The following DMD variants were observed in gnomAD, a reference collection of about 807,000 sequenced individuals.
DMD encodes mutant dystrophin.
In DMD, 63 loss-of-function variants were observed where a neutral mutation model predicts 330.1. That is an observed-to-expected ratio of 0.19 (90% CI 0.16 to 0.24). The LOEUF (loss-of-function observed/expected upper bound fraction) is 0.24, where lower values mean the gene tolerates loss of function less well. Among genes scored for constraint, DMD ranks in the 10% least tolerant of loss-of-function variants. The pLI, the probability that DMD is intolerant of heterozygous loss-of-function variation, is 1.00. For missense variants in DMD, 3,344 were observed against 2,684.1 expected (o/e 1.25, Z -5.43); for synonymous variants, 1,223 against 959.8 (o/e 1.27, Z -5.07).
intron 28 of DMD, among the ~76,000 whole-genome samples, chrX:32,440,852 G>A (rs1056813745): frequency 4.5e-5 from 5 of 111,017 alleles, no homozygotes; most frequent in East Asian, 2.8e-4. Context: ...TTATCATCCC[G>A]ATTAGCCCTA....
chrX:32,537,668 C>T (rs1270050024), intron 17 of DMD, among the ~76,000 whole-genome samples: 1 of 111,614 alleles, frequency 9.0e-6, no homozygotes, highest in Admixed American at 9.5e-5. Flanking sequence ...AGGAAAGAAT[C>T]AGGAGTCCGT....
chrX:32,926,752 C>CAA (rs745877756), intron 2 of DMD, among the ~76,000 whole-genome samples: 11 of 41,549 alleles, frequency 2.6e-4, no homozygotes, highest in African/African-American at 8.0e-4. Flanking sequence ...ACTCCATCTC[C>CAA]AAAAAAAAAA....
At chrX:33,060,891 A>G (rs1303079843) in intron 1 of DMD, among the ~76,000 whole-genome samples, 2 of 111,808 alleles carry the variant, frequency 1.8e-5, no homozygotes, top group East Asian at 5.6e-4. Context: ...TCACTTGACA[A>G]AAACATTTCC....
intron 12 of DMD, among the ~76,000 whole-genome samples, chrX:32,604,919 A>G (rs1299570160): frequency 9.0e-6 from 1 of 111,126 alleles, no homozygotes; most frequent in Non-Finnish European, 1.9e-5. Context: ...AAACAAATGG[A>G]AAAACTTTCC....
chrX:31,623,490 T>C (rs1048481050), intron 55 of DMD, among the ~76,000 whole-genome samples: 1 of 111,074 alleles, frequency 9.0e-6, no homozygotes, highest in Non-Finnish European at 1.9e-5. Flanking sequence ...TCTCGATCTC[T>C]TGACCTCGTG....
chrX:32,441,411 C>G (rs1175716645), intron 27 of DMD, 97 bp from the exon 28 acceptor site: 3 of 882,110 alleles, frequency 3.4e-6, no homozygotes, highest in Non-Finnish European at 4.9e-6. Context: ...AAATATAACA[C>G]TTTGTATTTT....
At chrX:31,663,364 C>T (rs956777273) in intron 53 of DMD, among the ~76,000 whole-genome samples, 1 of 110,765 alleles carries the variant, frequency 9.0e-6, no homozygotes. Context: ...CTCTGGGTTG[C>T]CTCACTGTCC....
chrX:31,543,211 G>A (rs758621246), intron 55 of DMD, among the ~76,000 whole-genome samples: 25 of 108,122 alleles, frequency 2.3e-4, no homozygotes, highest in Admixed American at 2.1e-3. Flanking sequence ...TTGCTCTGTC[G>A]CCAGGCTGGA....
intron 43 of DMD, among the ~76,000 whole-genome samples, chrX:32,235,151 A>T (rs2097182982): frequency 9.0e-6 from 1 of 111,263 alleles, no homozygotes; most frequent in African/African-American, 3.3e-5. Flanking sequence ...ACTCACCATA[A>T]TGTAGATTCA....
intron 1 of DMD, chrX:33,041,365 G>A: frequency 2.5e-6 from 3 of 1,176,771 alleles, no homozygotes; most frequent in East Asian, 6.2e-5. Flanking sequence ...CCGGCTTTCC[G>A]CCCCTCCTTC....
chrX:32,122,231 C>T (rs780920554), intron 44 of DMD, among the ~76,000 whole-genome samples: 2 of 111,822 alleles, frequency 1.8e-5, no homozygotes, highest in South Asian at 7.5e-4. Context: ...TTTCAAAGCA[C>T]GATCAAGGCC....
At chrX:32,908,525 G>C (rs1015989816) in intron 2 of DMD, among the ~76,000 whole-genome samples, 1 of 112,026 alleles carries the variant, frequency 8.9e-6, no homozygotes, top group Non-Finnish European at 1.9e-5. Flanking sequence ...TTTTATGAGA[G>C]ATCCTGTATC....
At chrX:32,274,684 G>A (rs1487109065) in intron 43 of DMD, among the ~76,000 whole-genome samples, 2 of 112,023 alleles carry the variant, frequency 1.8e-5, no homozygotes, top group African/African-American at 6.5e-5. Flanking sequence ...GAATTCAGAA[G>A]AAATTATATT....
At chrX:32,378,896 G>A (rs1230227933) in intron 34 of DMD, among the ~76,000 whole-genome samples, 2 of 110,426 alleles carry the variant, frequency 1.8e-5, no homozygotes, top group South Asian at 3.8e-4. Flanking sequence ...CAATAGTCAC[G>A]GGGTTTCATA....
intron 76 of DMD, among the ~76,000 whole-genome samples, chrX:31,139,480 C>T (rs897514166): frequency 1.4e-4 from 14 of 103,051 alleles, no homozygotes; most frequent in Admixed American, 7.3e-4. Flanking sequence ...TATATACACA[C>T]ACACACACAC....
intron 44 of DMD, among the ~76,000 whole-genome samples, chrX:32,012,169 G>A (rs747103069): frequency 2.7e-5 from 3 of 111,885 alleles, no homozygotes; most frequent in Non-Finnish European, 5.6e-5. Flanking sequence ...TCCCTTCTCT[G>A]TTTACTAGGA....
intron 1 of DMD, among the ~76,000 whole-genome samples, chrX:33,142,551 G>C (rs958381909): frequency 2.7e-5 from 3 of 112,092 alleles, no homozygotes; most frequent in African/African-American, 9.7e-5. Flanking sequence ...TTGCGTAATT[G>C]ACTAATTCTT....
intron 20 of DMD, among the ~76,000 whole-genome samples, chrX:32,485,550 T>G (rs1334361917): frequency 9.1e-6 from 1 of 109,427 alleles, no homozygotes; most frequent in East Asian, 2.8e-4. Context: ...CCTACATATA[T>G]GTATATGTGT....
chrX:31,691,027 T>C (rs1187229805), intron 52 of DMD, among the ~76,000 whole-genome samples: 1 of 110,021 alleles, frequency 9.1e-6, no homozygotes, highest in African/African-American at 3.3e-5. Context: ...AAATGACAAG[T>C]TAATGGGTGG....
Sources: allele counts gnomAD v4.1 joint callset (sites outside exome capture counted in the v4.1 genomes callset), GRCh38; gene constraint gnomAD v4.1.1; transcripts MANE v1.5; gene names NCBI Gene and HGNC (gene_info 2026-07-23, HGNC 2026-07-21).